Variants in CFAP263 observed in about 807,000 individuals in gnomAD.
CFAP263 encodes cilia- and flagella-associated protein 263.
chr16:58,280,450 G>T, the CFAP263 span: 6 of 1,614,072 alleles, frequency 3.7e-6, no homozygotes, highest in East Asian at 1.1e-4. Context: ...TCGTGAATGC[G>T]TGATGGTCCT....
chr16:58,250,445 C>T, the CFAP263 span: 1 of 215,542 alleles, frequency 4.6e-6, no homozygotes, highest in South Asian at 9.2e-5. Context: ...GACCAGGTGA[C>T]TTCTAAGCCC....
At chr16:58,262,543 A>G in the CFAP263 span, 3 of 1,597,558 alleles carry the variant, frequency 1.9e-6, no homozygotes, top group African/African-American at 2.7e-5. Context: ...CCTACAAAGT[A>G]AGGCCATCCC....
the CFAP263 span, among the ~76,000 whole-genome samples, chr16:58,255,173 GC>G: frequency 2.0e-5 from 3 of 152,184 alleles, no homozygotes; most frequent in African/African-American, 7.2e-5. Context: ...GTGGCCGAAG[GC>G]CCTAGAGCCC....
chr16:58,268,872 C>T, the CFAP263 span, among the ~76,000 whole-genome samples: 11 of 152,016 alleles, frequency 7.2e-5, no homozygotes, highest in Admixed American at 2.6e-4. Flanking sequence ...TTCTTGTTAA[C>T]GTTTTGAAAA....
At chr16:58,274,412 C>G in the CFAP263 span, among the ~76,000 whole-genome samples, 5 of 152,342 alleles carry the variant, frequency 3.3e-5, no homozygotes, top group Non-Finnish European at 7.3e-5. Context: ...CCAGAGCCCT[C>G]TGATTTACAG....
the CFAP263 span, chr16:58,259,868 G>C: frequency 6.3e-7 from 1 of 1,587,276 alleles, no homozygotes; most frequent in Non-Finnish European, 8.6e-7. Flanking sequence ...ATATGAAGGA[G>C]AAATTACGTT....
the CFAP263 span, chr16:58,262,560 C>T: frequency 5.7e-6 from 9 of 1,579,266 alleles, no homozygotes; most frequent in South Asian, 1.0e-4. Context: ...TCCCTGATAC[C>T]CAGGGCTCCC....
the CFAP263 span, among the ~76,000 whole-genome samples, chr16:58,266,901 G>T: frequency 6.6e-6 from 1 of 152,176 alleles, no homozygotes; most frequent in Non-Finnish European, 1.5e-5. Flanking sequence ...GGTGGAGCCT[G>T]TGGGCTGTGG....
chr16:58,280,850 T>C, the CFAP263 span: 13 of 1,237,238 alleles, frequency 1.1e-5, no homozygotes, highest in Non-Finnish European at 1.3e-5. Context: ...TCTAGAAATG[T>C]TTTACGCTGG....
At chr16:58,263,877 G>A in the CFAP263 span, among the ~76,000 whole-genome samples, 1 of 152,178 alleles carries the variant, frequency 6.6e-6, no homozygotes, top group Non-Finnish European at 1.5e-5. Context: ...TACTTGGGAG[G>A]CTGAGGCATA....
the CFAP263 span, chr16:58,250,355 A>C: frequency 2.3e-6 from 1 of 441,242 alleles, no homozygotes; most frequent in Middle Eastern, 6.0e-4. Flanking sequence ...TAATTGGGGA[A>C]GTGAGGGTTT....
the CFAP263 span, among the ~76,000 whole-genome samples, chr16:58,279,058 G>A: frequency 1.3e-5 from 2 of 151,912 alleles, no homozygotes; most frequent in Non-Finnish European, 2.9e-5. Context: ...AGTCGCCATG[G>A]GTCTTTCTGC....
chr16:58,269,762 C>T, the CFAP263 span, among the ~76,000 whole-genome samples: 2 of 152,218 alleles, frequency 1.3e-5, no homozygotes, highest in Non-Finnish European at 2.9e-5. Context: ...TAGGGATTAT[C>T]ATGAGTCATC....
the CFAP263 span, among the ~76,000 whole-genome samples, chr16:58,261,314 T>C: frequency 1.3e-5 from 2 of 151,980 alleles, no homozygotes; most frequent in Middle Eastern, 3.2e-3. Context: ...AATTCTGCCG[T>C]GAGTGGTCCC....
At chr16:58,270,901 C>T in the CFAP263 span, among the ~76,000 whole-genome samples, 2 of 152,254 alleles carry the variant, frequency 1.3e-5, no homozygotes, top group South Asian at 2.1e-4. Flanking sequence ...ATTTGAGTTA[C>T]TATCTGGCGT....
chr16:58,261,867 T>C, the CFAP263 span, among the ~76,000 whole-genome samples: 8 of 152,194 alleles, frequency 5.3e-5, no homozygotes, highest in Non-Finnish European at 2.9e-5. Flanking sequence ...TATACACTCA[T>C]GCACTGCAGT....
At chr16:58,280,334 C>T in the CFAP263 span, 133 of 1,614,162 alleles carry the variant, frequency 8.2e-5, no homozygotes, top group African/African-American at 1.2e-3. Flanking sequence ...ACCTCCCCAC[C>T]GTAATAGTCA....
chr16:58,275,893 G>T, the CFAP263 span, among the ~76,000 whole-genome samples: 1 of 152,036 alleles, frequency 6.6e-6, no homozygotes, highest in Non-Finnish European at 1.5e-5. Flanking sequence ...AATAAATACT[G>T]GGAAAATTTT....
At chr16:58,254,036 G>A in the CFAP263 span, 2 of 1,614,216 alleles carry the variant, frequency 1.2e-6, no homozygotes, top group Non-Finnish European at 1.7e-6. Context: ...GGACAGGTAT[G>A]GACCGTGGGG....
Sources: allele counts gnomAD v4.1 joint callset (sites outside exome capture counted in the v4.1 genomes callset), GRCh38; gene constraint gnomAD v4.1.1; transcripts MANE v1.5; gene names NCBI Gene and HGNC (gene_info 2026-07-23, HGNC 2026-07-21).